TEX9: variants seen among roughly 807,000 people sequenced by gnomAD.
The protein encoded by TEX9 is testis expressed 9.
In TEX9, 74 loss-of-function variants were observed where a neutral mutation model predicts 59.6. The ratio of observed to expected loss-of-function variants is 1.24; its 90% confidence interval spans 1.03 to 1.51. The LOEUF is 1.51. Ranked by LOEUF, TEX9 falls within the 40% of genes most tolerant of loss-of-function variation. The pLI is 0.00. For synonymous variants in TEX9, 186 were observed against 152.2 expected (o/e 1.22, Z -1.64); for missense variants, 522 against 447.8 (o/e 1.17, Z -1.49).
chr15:56,261,351 T>A (rs184227188), intron 1 of TEX9, among the ~76,000 whole-genome samples: 2 of 152,188 alleles, frequency 1.3e-5, no homozygotes, highest in Admixed American at 1.3e-4. Flanking sequence ...TCAACTTTCT[T>A]CTAATCATTG....
exon 9 of TEX9, chr15:56,394,769 A>G (rs748232632): frequency 3.7e-6 from 6 of 1,613,126 alleles, no homozygotes; most frequent in African/African-American, 1.3e-5. Context: ...AAAATACAAA[A>G]CTCTTTTCGA....
chr15:56,393,790 T>C (rs1164319307), intron 7 of TEX9: 1 of 170,168 alleles, frequency 5.9e-6, no homozygotes, highest in African/African-American at 2.4e-5. Context: ...AGTGGCATTT[T>C]GTAATCACAG....
intron 1 of TEX9, among the ~76,000 whole-genome samples, chr15:56,304,364 T>A (rs1241029189): frequency 6.6e-6 from 1 of 152,248 alleles, no homozygotes; most frequent in East Asian, 1.9e-4. Context: ...CCATTTAGTA[T>A]GATACTAGCT....
At chr15:56,399,499 A>G (rs1473174786) in intron 9 of TEX9, among the ~76,000 whole-genome samples, 1 of 152,246 alleles carries the variant, frequency 6.6e-6, no homozygotes, top group East Asian at 1.9e-4. Flanking sequence ...AGCAAGGCCT[A>G]CTGCCTCTAT....
At chr15:56,281,530 C>T (rs1478989711) in intron 1 of TEX9, among the ~76,000 whole-genome samples, 1 of 152,184 alleles carries the variant, frequency 6.6e-6, no homozygotes, top group African/African-American at 2.4e-5. Context: ...AAAATTTCAT[C>T]CTAAAACCAT....
intron 1 of TEX9, among the ~76,000 whole-genome samples, chr15:56,260,927 T>C (rs1330584206): frequency 6.6e-6 from 1 of 151,990 alleles, no homozygotes; most frequent in African/African-American, 2.4e-5. Flanking sequence ...TAACAATGAT[T>C]TTTATTTCTT....
At chr15:56,272,736 C>G (rs1369333758) in intron 1 of TEX9, among the ~76,000 whole-genome samples, 2 of 152,106 alleles carry the variant, frequency 1.3e-5, no homozygotes, top group Middle Eastern at 3.4e-3. Context: ...ATAGATTTGA[C>G]TTAAAAAAAT....
intron 1 of TEX9, among the ~76,000 whole-genome samples, chr15:56,255,321 T>C (rs940826664): frequency 6.6e-6 from 1 of 151,988 alleles, no homozygotes; most frequent in African/African-American, 2.4e-5. Flanking sequence ...GATGGAGAGA[T>C]AGGAGGTAAG....
intron 1 of TEX9, among the ~76,000 whole-genome samples, chr15:56,272,448 C>A (rs1258427788): frequency 1.3e-5 from 2 of 152,086 alleles, no homozygotes; most frequent in African/African-American, 4.8e-5. Context: ...CATTCTTTTG[C>A]TTCTTATGGT....
intron 1 of TEX9, among the ~76,000 whole-genome samples, chr15:56,347,357 G>A (rs987035221): frequency 6.6e-6 from 1 of 152,082 alleles, no homozygotes; most frequent in Non-Finnish European, 1.5e-5. Flanking sequence ...ATCAGGGTAT[G>A]TCCTATTGCC....
intron 1 of TEX9, among the ~76,000 whole-genome samples, chr15:56,330,331 A>T (rs2046114022): frequency 6.6e-6 from 1 of 152,180 alleles, no homozygotes; most frequent in Admixed American, 6.5e-5. Context: ...AGAAGAAATC[A>T]TCTGAAGGTA....
chr15:56,399,341 G>A (rs112257296), intron 9 of TEX9, among the ~76,000 whole-genome samples: 4,797 of 152,328 alleles, frequency 0.031, 188 homozygotes, highest in East Asian at 0.095. Context: ...ACACACCCAC[G>A]GAGCCTTGCT....
At chr15:56,314,889 C>T (rs2045715828) in intron 1 of TEX9, among the ~76,000 whole-genome samples, 1 of 151,768 alleles carries the variant, frequency 6.6e-6, no homozygotes, top group Non-Finnish European at 1.5e-5. Context: ...GAATTGATCC[C>T]TTTACCATTA....
intron 1 of TEX9, among the ~76,000 whole-genome samples, chr15:56,280,471 A>G (rs1486840291): frequency 6.6e-6 from 1 of 152,182 alleles, no homozygotes; most frequent in East Asian, 1.9e-4. Flanking sequence ...GAAGGCAAAG[A>G]TTGGAGGTAT....
intron 1 of TEX9, among the ~76,000 whole-genome samples, chr15:56,324,597 G>T (rs2045980664): frequency 6.6e-6 from 1 of 152,188 alleles, no homozygotes; most frequent in African/African-American, 2.4e-5. Flanking sequence ...ATATTGTATA[G>T]GCTTTTCCAC....
chr15:56,406,793 G>A (rs2049102538), intron 9 of TEX9, among the ~76,000 whole-genome samples: 1 of 152,040 alleles, frequency 6.6e-6, no homozygotes, highest in South Asian at 2.1e-4. Flanking sequence ...AAAATACTAA[G>A]TTGCAAATTC....
At chr15:56,424,549 T>C (rs1347441911) in intron 10 of TEX9, among the ~76,000 whole-genome samples, 2 of 152,182 alleles carry the variant, frequency 1.3e-5, no homozygotes, top group Non-Finnish European at 2.9e-5. Context: ...TGAGGACTTT[T>C]ACCCTCTCAT....
At chr15:56,456,959 T>C in the TEX9 span, among the ~76,000 whole-genome samples, 6 of 152,208 alleles carry the variant, frequency 3.9e-5, no homozygotes, top group African/African-American at 1.4e-4. Flanking sequence ...TCAACACGTC[T>C]AATTAACAAT....
intron 1 of TEX9, among the ~76,000 whole-genome samples, chr15:56,268,142 T>C (rs1279860033): frequency 6.6e-6 from 1 of 152,214 alleles, no homozygotes. Flanking sequence ...TATTGGTGTA[T>C]AGGAATGCTT....
Sources: gnomAD v4.1 joint callset for allele counts (sites outside exome capture counted in the v4.1 genomes callset) on GRCh38, gnomAD v4.1.1 for gene constraint, MANE v1.5 for transcripts, NCBI Gene and HGNC (gene_info 2026-07-23, HGNC 2026-07-21) for gene names.